UCK2: variants seen among roughly 807,000 people sequenced by gnomAD.
The protein encoded by UCK2 is uridine-cytidine kinase 2.
UCK2 carries 6 observed loss-of-function variants against 30.8 expected under a neutral mutation model. The observed-to-expected ratio is 0.19, with a 90% CI of 0.11 to 0.38. The LOEUF (loss-of-function observed/expected upper bound fraction) is 0.38, where lower values mean the gene tolerates loss of function less well. Ranked by LOEUF, UCK2 falls within the 10% of genes least tolerant of loss-of-function variation. The probability of loss-of-function intolerance (pLI) is 1.00; values close to 1 mark genes in which losing one functional copy is unlikely to be tolerated. For missense variants in UCK2, 210 were observed against 339.8 expected (o/e 0.62, Z 3.00); for synonymous variants, 125 against 133.6 (o/e 0.94, Z 0.45).
At chr1:165,833,517 TTTC>T (rs1477211815) in intron 1 of UCK2, among the ~76,000 whole-genome samples, 1 of 152,174 alleles carries the variant, frequency 6.6e-6, no homozygotes, top group African/African-American at 2.4e-5. Context: ...TCAGGCTGTA[TTTC>T]TTCTTTGTTC....
chr1:165,850,764 G>A (rs1571271171), intron 1 of UCK2, among the ~76,000 whole-genome samples: 4 of 151,112 alleles, frequency 2.6e-5, no homozygotes, highest in South Asian at 4.2e-4. Flanking sequence ...GACTACAGGC[G>A]CCCGCCACCA....
chr1:165,832,951 A>G lies in UCK2; in HGVS notation c.99+5019A>G, dbSNP rs570512704. Among the ~76,000 whole-genome samples the G allele has an allele frequency of 3.9e-5, 6 of 152,054 alleles. No individual in the cohort carries two copies. The East Asian group carries it at 1.2e-3, about 29-fold the overall frequency. On this transcript the variant is annotated intron_variant, in intron 1 of 6. Transcript: ENST00000367879. ...TCCACAAGCAGTGGCCTCTTCGTGT[A>G]AATATTTTTAGGGAGGTTGGCCTGT...
At chr1:165,828,630 A>G (rs184354090) in intron 1 of UCK2, among the ~76,000 whole-genome samples, 2 of 152,324 alleles carry the variant, frequency 1.3e-5, no homozygotes, top group Admixed American at 6.5e-5. Context: ...ACTGGCTCCA[A>G]GCTCTTCGGT....
chr1:165,902,900 A>G lies in UCK2; in HGVS notation c.500-282A>G, dbSNP rs75459954. The G allele has an allele frequency of 6.9e-4, 177 of 256,384 alleles. 1 individual carries two copies. The East Asian group carries it at 0.011, about 16-fold the overall frequency. The allele number at this position is 256,384 out of a possible 1,614,324, so 15.9% of individuals were successfully genotyped here. ...TTCACACTGAAATTTTGTTTGGAGC[A>G]AATGTTGCTTGAAACAAGAAGGCTG... On this transcript the variant is annotated intron_variant, in intron 4 of 6. Coordinates refer to ENST00000367879, the MANE Select transcript of UCK2 (RefSeq NM_012474.5).
rs554860373 is a variant in UCK2, at chr1:165,859,363, G to T, written c.100-30841G>T. ...CTCCTTCCTGTGTTGGAGACTCGCT[G>T]CTGGTCCTCCGCTGGTGTCTGAGTT... On this transcript the variant is annotated intron_variant, in intron 1 of 6. Transcript: ENST00000367879. 2.1e-4 allele frequency among the ~76,000 whole-genome samples: 32 copies of T among 152,260 alleles called. No individual in the cohort carries two copies. In the South Asian group the frequency reaches 6.4e-3, roughly 31 times the overall value.
At chr1:165,884,810 TG>T (rs921547569) in intron 1 of UCK2, among the ~76,000 whole-genome samples, 1 of 152,208 alleles carries the variant, frequency 6.6e-6, no homozygotes, top group Non-Finnish European at 1.5e-5. Context: ...GCTGCCCTTT[TG>T]GAAACTGCCA....
At chr1:165,863,075 ATAG>A (rs1465589034) in intron 1 of UCK2, among the ~76,000 whole-genome samples, 2 of 152,220 alleles carry the variant, frequency 1.3e-5, no homozygotes, top group African/African-American at 4.8e-5. Flanking sequence ...GAGAAAAGAG[ATAG>A]ACAGCTATTG....
chr1:165,850,954 T>TTTTTTA (rs60420412), intron 1 of UCK2, among the ~76,000 whole-genome samples: 1 of 118,574 alleles, frequency 8.4e-6, no homozygotes, highest in South Asian at 2.7e-4. Flanking sequence ...TTTTTTTTTT[T>TTTTTTA]AATAGAGAAT....
chr1:165,857,721 C>A (rs1233318239), intron 1 of UCK2, among the ~76,000 whole-genome samples: 1 of 152,174 alleles, frequency 6.6e-6, no homozygotes, highest in African/African-American at 2.4e-5. Context: ...GTGTGCGAAG[C>A]GAAGCATTTG....
At chr1:165,902,561 A>G (rs939639064) in intron 4 of UCK2, 1 of 121,138 alleles carries the variant, frequency 8.3e-6, no homozygotes, top group Non-Finnish European at 1.8e-5. Flanking sequence ...ACCATTCTCT[A>G]GGCCATGGTT....
At chr1:165,877,258 T>TA (rs1161535579) in intron 1 of UCK2, among the ~76,000 whole-genome samples, 1 of 143,490 alleles carries the variant, frequency 7.0e-6, no homozygotes, top group Non-Finnish European at 1.6e-5. Context: ...GGATAGTCGC[T>TA]AATCTTTTTT....
chr1:165,858,780 G>C (rs1329356489), intron 1 of UCK2, among the ~76,000 whole-genome samples: 1 of 152,148 alleles, frequency 6.6e-6, no homozygotes, highest in Non-Finnish European at 1.5e-5. Flanking sequence ...CCTGGCCAGG[G>C]TCACTGCAAG....
rs1647750595 is a variant in UCK2, at chr1:165,908,517, T to A, written c.*694T>A. Reference sequence around the variant, plus strand: ...AGAGGCCCACTGAGGAGAACAAGTCTTCTGCATTTTCTTCCTGCCCTGCTC... The same window carrying A: ...AGAGGCCCACTGAGGAGAACAAGTCATCTGCATTTTCTTCCTGCCCTGCTC... On this transcript the variant is annotated 3_prime_UTR_variant, in exon 7 of 7. Transcript: ENST00000367879. 1 of 151,526 alleles carries A rather than the reference T, an allele frequency of 6.6e-6. No homozygotes were observed. Among genetic ancestry groups the A allele is most frequent in the Non-Finnish European group, 1.5e-5 (1 of 67,920 alleles). 9.4% of individuals were successfully genotyped at this position (151,526 alleles called of 1,614,324 possible). A position where few individuals can be genotyped will look rare whatever the true frequency, so the allele number is the denominator to read the frequency against.
intron 6 of UCK2, among the ~76,000 whole-genome samples, chr1:165,906,408 G>T (rs1459619415): frequency 6.6e-6 from 1 of 152,084 alleles, no homozygotes; most frequent in African/African-American, 2.4e-5. Flanking sequence ...CTTTAGAGAC[G>T]AGGTCTTGCT....
intron 1 of UCK2, among the ~76,000 whole-genome samples, chr1:165,861,627 CA>C (rs1223282712): frequency 1.4e-3 from 22 of 15,922 alleles, no homozygotes; most frequent in African/African-American, 3.8e-3. Flanking sequence ...GACTCCGTCT[CA>C]AAAAAAAAAA....
intron 1 of UCK2, among the ~76,000 whole-genome samples, chr1:165,851,148 T>C (rs755695767): frequency 3.9e-5 from 6 of 152,132 alleles, no homozygotes; most frequent in Non-Finnish European, 8.8e-5. Context: ...CTGTTATCTC[T>C]GTCTTGTCTT....
intron 4 of UCK2, among the ~76,000 whole-genome samples, chr1:165,897,267 G>A (rs1389086464): frequency 2.0e-5 from 3 of 152,100 alleles, no homozygotes; most frequent in Admixed American, 6.5e-5. Flanking sequence ...CAAGTGAAGT[G>A]GCCACTGTTC....
At chr1:165,896,853 C>T (rs571282285) in intron 4 of UCK2, among the ~76,000 whole-genome samples, 10 of 152,216 alleles carry the variant, frequency 6.6e-5, no homozygotes, top group Non-Finnish European at 1.5e-4. Context: ...GCTGTGCCCT[C>T]CGCAGGCCCT....
chr1:165,851,178 C>G (rs1241467951), intron 1 of UCK2, among the ~76,000 whole-genome samples: 1 of 152,134 alleles, frequency 6.6e-6, no homozygotes, highest in East Asian at 1.9e-4. Context: ...TCCAGTGCAC[C>G]TGGGTGTGTC....
Sources: allele counts gnomAD v4.1 joint callset (sites outside exome capture counted in the v4.1 genomes callset), GRCh38; gene constraint gnomAD v4.1.1; transcripts MANE v1.5; gene names NCBI Gene and HGNC (gene_info 2026-07-23, HGNC 2026-07-21).